GSTM4: variants seen among roughly 807,000 people sequenced by gnomAD.
The protein encoded by GSTM4 is GST class-mu 4.
A neutral mutation model predicts 30.1 loss-of-function variants in GSTM4; 27 were observed. The ratio of observed to expected loss-of-function variants is 0.90; its 90% CI spans 0.66 to 1.24. The LOEUF (loss-of-function observed/expected upper bound fraction) is 1.24. Ranked by LOEUF, GSTM4 falls within the 50% of genes most tolerant of loss-of-function variation. The pLI is 0.00. For synonymous variants in GSTM4, 94 were observed against 96.2 expected (o/e 0.98, Z 0.13); for missense variants, 238 against 272.1 (o/e 0.87, Z 0.88).
At chr1:109,658,076 A>G (rs1652118728) in intron 5 of GSTM4, 3 of 586,824 alleles carry the variant, frequency 5.1e-6, no homozygotes, top group Non-Finnish European at 9.1e-6. Context: ...GAAAGCTAGC[A>G]ATTCAGTTCC....
chr1:109,656,576 G>A, intron 1 of GSTM4, 136 bp from the exon 2 acceptor site: 1 of 742,212 alleles, frequency 1.3e-6, no homozygotes, highest in Non-Finnish European at 2.3e-6. Flanking sequence ...GTGTGTGTGT[G>A]TGTGTGTGTG....
chr1:109,666,695 C>G (rs558860224), downstream of GSTM4, among the ~76,000 whole-genome samples: 40 of 152,284 alleles, frequency 2.6e-4, no homozygotes, highest in South Asian at 7.9e-3. Context: ...GACCTTGTTT[C>G]TCCCACTGCA....
downstream of GSTM4, among the ~76,000 whole-genome samples, chr1:109,662,654 G>A (rs1225570047): frequency 6.6e-6 from 1 of 152,176 alleles, no homozygotes; most frequent in Non-Finnish European, 1.5e-5. Flanking sequence ...TCATGAGAAG[G>A]TGCTCAACAT....
At chr1:109,658,342 CA>C (rs1652132235) in intron 5 of GSTM4, 1 of 216,254 alleles carries the variant, frequency 4.6e-6, no homozygotes, top group Admixed American at 5.2e-5. Flanking sequence ...CAGGGGCGGC[CA>C]GAGGGCCTTT....
At chr1:109,659,509 A>G in intron 7 of GSTM4, 1 of 711,748 alleles carries the variant, frequency 1.4e-6, no homozygotes, top group Non-Finnish European at 2.2e-6. Context: ...GCACTTTGGA[A>G]GAGGCAGAGA....
chr1:109,656,550 CTGTGTGTGTGTGTGTGTGTGTG>C lies in GSTM4; in HGVS notation c.37-143_37-122del, dbSNP rs57680849. On this transcript the variant is annotated intron_variant, in intron 1 of 7. Transcript: ENST00000369836. ...CTCTCACAGGAGGGCCTGTGCATGC[CTGTGTGTGTGTGTGTGTGTGTG>C]TGTGTGTGTGTGTGTGTGCGTGCGC... 1.9e-5 allele frequency: 10 copies of C among 532,122 alleles called. 1 individual carries two copies. The African/African-American group carries it at 2.0e-4, about 11-fold the overall frequency. 33.0% of individuals were successfully genotyped at this position (532,122 alleles called of 1,614,324 possible). A position where few individuals can be genotyped will look rare whatever the true frequency, so the allele number is the denominator to read the frequency against.
chr1:109,661,123 G>A lies in GSTM4; in HGVS notation c.568-42G>A, dbSNP rs1362763056. ...AGTGGGGTTGTCCCAGCCCTCATGG[G>A]CAGCTGACCTTGAGTTCTGGCCTTA... On this transcript the variant is annotated intron_variant, in intron 7 of 7. Transcript: ENST00000369836. 3.1e-6 allele frequency: 5 copies of A among 1,607,586 alleles called. No homozygotes were observed. The Admixed American group carries it at 5.0e-5, about 16-fold the overall frequency.
Position 109,661,158 on chromosome 1 carries a change from C to A in GSTM4, c.568-7C>A, listed in dbSNP as rs773888107. The A allele has an allele frequency of 3.7e-6, 6 of 1,612,862 alleles. No individual in the cohort carries two copies. The South Asian group carries it at 5.5e-5, about 15-fold the overall frequency. Reference sequence around the variant, plus strand: ...TTGAGTTCTGGCCTTATTTTCCCCCCTCTCAGGGCTTGGAGAAGATCTCTG... The same window carrying A: ...TTGAGTTCTGGCCTTATTTTCCCCCATCTCAGGGCTTGGAGAAGATCTCTG... On this transcript the variant is annotated splice_polypyrimidine_tract_variant and splice_region_variant and intron_variant, in intron 7 of 7. Transcript: ENST00000369836.
chr1:109,657,374 C>T (rs1557951299), intron 3 of GSTM4, 95 bp downstream of exon 3: 1 of 1,531,036 alleles, frequency 6.5e-7, no homozygotes, highest in Admixed American at 1.7e-5. Flanking sequence ...GATCAGGAGT[C>T]TTCTGCCCAA....
At position 109,659,846 on chromosome 1, in the gene GSTM4, C is replaced by T. The variant is rs146745821; in HGVS notation, c.567+736C>T. On this transcript the variant is annotated intron_variant, in intron 7 of 7. Coordinates refer to ENST00000369836, the MANE Select transcript of GSTM4 (RefSeq NM_000850.5). ...GCACACTGATTTTACTGCTATTCAC[C>T]GACCTTCTCCTCTGCATGAGGCAGG... The T allele has an allele frequency of 7.0e-4, 429 of 610,590 alleles. 8 individuals carry two copies. The East Asian group carries it at 0.02, about 28-fold the overall frequency. 37.8% of individuals were successfully genotyped at this position (610,590 alleles called of 1,614,324 possible).
Position 109,657,127 on chromosome 1 carries a change from A to G in GSTM4, c.113-88A>G, listed in dbSNP as rs909275471. ...GATTCTAGATCCACCTGTCTCAGGG[A>G]TCTTGCCACTGGTTCCTTGGGAGGG... On this transcript the variant is annotated intron_variant, in intron 2 of 7. Transcript: ENST00000369836. 5.1e-6 allele frequency: 7 copies of G among 1,362,004 alleles called. No individual in the cohort carries two copies. The Admixed American group carries it at 6.7e-5, about 13-fold the overall frequency. 84.4% of individuals were successfully genotyped at this position (1,362,004 alleles called of 1,614,324 possible). A position where few individuals can be genotyped will look rare whatever the true frequency, so the allele number is the denominator to read the frequency against.
chr1:109,666,991 A>G (rs1015846295), downstream of GSTM4, among the ~76,000 whole-genome samples: 4 of 151,922 alleles, frequency 2.6e-5, no homozygotes, highest in African/African-American at 9.7e-5. Context: ...TGGAGGGCAA[A>G]ATCATTTGTT....
chr1:109,658,881 G>GGAAGAGGCC lies in GSTM4; in HGVS notation c.429_437dup (p.Lys144_Pro146dup). ...ATGCAGCACTTCTCACAGTTCCTGG[G>GGAAGAGGCC]GAAGAGGCCATGGTTTGTTGGAGAC... On this transcript the variant is annotated inframe_insertion, in exon 6 of 8. Transcript: ENST00000369836. 1 of 1,614,030 alleles carries GGAAGAGGCC rather than the reference G, an allele frequency of 6.2e-7. No individual in the cohort carries two copies.
downstream of GSTM4, chr1:109,665,069 A>T (rs758308662): frequency 1.7e-6 from 2 of 1,181,512 alleles, no homozygotes; most frequent in South Asian, 1.2e-5. Context: ...GGGCTAAGGG[A>T]TGCTCAGATG....
Position 109,661,526 on chromosome 1 carries a change from T to A in GSTM4, c.*272T>A. The A allele has an allele frequency of 7.5e-7, 1 of 1,331,000 alleles. No individual in the cohort carries two copies. The highest frequency in any genetic ancestry group is 9.7e-7 in the Non-Finnish European group (1 of 1,032,944). The allele number at this position is 1,331,000 out of a possible 1,614,324, so 82.4% of individuals were successfully genotyped here. ...CCCTGCACTAAAGCCAGCCTGACCT[T>A]CCTTCCTGTTAGTGGTTGTATCTGC... On this transcript the variant is annotated 3_prime_UTR_variant, in exon 8 of 8. Transcript: ENST00000369836.
downstream of GSTM4, among the ~76,000 whole-genome samples, chr1:109,662,593 A>G (rs1209932455): frequency 6.6e-6 from 1 of 152,256 alleles, no homozygotes; most frequent in African/African-American, 2.4e-5. Flanking sequence ...AAAATGAGTC[A>G]AAACTTGAAC....
At chr1:109,658,642 G>C (rs1031684209) in intron 5 of GSTM4, 172 bp from the exon 6 acceptor site, 12 of 633,482 alleles carry the variant, frequency 1.9e-5, no homozygotes, top group Admixed American at 5.6e-5. Context: ...AAAGCCTCCA[G>C]CTACCCATTT....
intron 5 of GSTM4, chr1:109,658,158 C>T (rs1652123430): frequency 4.5e-6 from 2 of 448,844 alleles, no homozygotes; most frequent in Non-Finnish European, 8.1e-6. Flanking sequence ...GCCATCTAAC[C>T]CAGCTGGTTC....
chr1:109,660,323 T>C (rs1652249603), intron 7 of GSTM4: 1 of 153,554 alleles, frequency 6.5e-6, no homozygotes, highest in African/African-American at 2.4e-5. Context: ...CCTTAGAAAT[T>C]ACACGGCTAT....
Sources: allele counts gnomAD v4.1 joint callset (sites outside exome capture counted in the v4.1 genomes callset), GRCh38; gene constraint gnomAD v4.1.1; transcripts MANE v1.5; gene names NCBI Gene and HGNC (gene_info 2026-07-23, HGNC 2026-07-21).